Variants in TTPA observed in about 807,000 individuals in gnomAD.
TTPA encodes alpha tocopherol transfer protein.
TTPA carries 23 observed loss-of-function variants against 25.9 expected under a neutral mutation model. The ratio of observed to expected loss-of-function variants is 0.89; its 90% confidence interval spans 0.64 to 1.26. The LOEUF (loss-of-function observed/expected upper bound fraction) is 1.26, where lower values mean the gene tolerates loss of function less well. TTPA is among the 50% of genes most tolerant of loss of function. The pLI is 0.00. For missense variants in TTPA, 337 were observed against 353.1 expected (o/e 0.95, Z 0.37); for synonymous variants, 148 against 137.3 (o/e 1.08, Z -0.54).
At chr8:63,071,345 T>C (rs997734388) in intron 2 of TTPA, among the ~76,000 whole-genome samples, 1 of 152,238 alleles carries the variant, frequency 6.6e-6, no homozygotes, top group Non-Finnish European at 1.5e-5. Context: ...CAGGCAGGTA[T>C]CTTATCTATA....
At chr8:63,079,346 T>C (rs1273823759) in intron 1 of TTPA, among the ~76,000 whole-genome samples, 2 of 152,280 alleles carry the variant, frequency 1.3e-5, no homozygotes, top group African/African-American at 4.8e-5. Flanking sequence ...TAACCTTAAA[T>C]GTAAATGGGC....
At chr8:63,063,566 T>C (rs1805342900) in intron 4 of TTPA, among the ~76,000 whole-genome samples, 1 of 152,216 alleles carries the variant, frequency 6.6e-6, no homozygotes. Flanking sequence ...CAGTGAGAGA[T>C]CTTGCTCCCA....
chr8:63,061,986 T>C (rs1396216325), intron 4 of TTPA, among the ~76,000 whole-genome samples: 1 of 152,106 alleles, frequency 6.6e-6, no homozygotes, highest in African/African-American at 2.4e-5. Context: ...GTGGATTACT[T>C]GAGCTCAGGA....
intron 2 of TTPA, among the ~76,000 whole-genome samples, chr8:63,071,968 T>C (rs1805490092): frequency 6.6e-6 from 1 of 151,912 alleles, no homozygotes; most frequent in Non-Finnish European, 1.5e-5. Flanking sequence ...CTACACCTAA[T>C]AGAAAAAAAG....
chr8:63,065,225 C>G (rs1805370589), intron 3 of TTPA, among the ~76,000 whole-genome samples: 1 of 152,144 alleles, frequency 6.6e-6, no homozygotes, highest in South Asian at 2.1e-4. Flanking sequence ...CTTTTACATT[C>G]AGGTGACCTG....
At chr8:63,067,259 G>A (rs1805407886) in intron 2 of TTPA, among the ~76,000 whole-genome samples, 1 of 152,096 alleles carries the variant, frequency 6.6e-6, no homozygotes, top group Admixed American at 6.5e-5. Flanking sequence ...TGGTTTGGAA[G>A]ATCAAGTTGA....
chr8:63,085,200 T>C (rs1422470973), intron 1 of TTPA, among the ~76,000 whole-genome samples: 1 of 152,204 alleles, frequency 6.6e-6, no homozygotes, highest in Non-Finnish European at 1.5e-5. Flanking sequence ...TCTTTCTGAT[T>C]CCTATCTTTC....
At chr8:63,078,054 G>A (rs1052411557) in intron 1 of TTPA, among the ~76,000 whole-genome samples, 6 of 152,210 alleles carry the variant, frequency 3.9e-5, no homozygotes, top group African/African-American at 1.4e-4. Flanking sequence ...GGTCTGGAAT[G>A]GACCTCCAGC....
Position 63,061,364 on chromosome 8 carries a change from G to A in TTPA, c.725C>T (p.Pro242Leu). The A allele has an allele frequency of 6.2e-7, 1 of 1,613,978 alleles. No homozygotes were observed. Among genetic ancestry groups the A allele is most frequent in the Non-Finnish European group, 8.5e-7 (1 of 1,179,926 alleles). The change falls in exon 5 of 5, where the codon CCT becomes CTT. Residue 242 changes from proline to leucine, a missense_variant. Physicochemically the swap from Pro to Leu is moderately conservative, Grantham distance 98. Coordinates refer to ENST00000260116, the MANE Select transcript of TTPA (RefSeq NM_000370.3). ...GAATTCTTCACCACCATATTCCAGA[G>A]GAAGAATGTCTGGGAAATGCTGAAG... ...SLLQHFPDIL[P>L]LEYGGEEFSM...
chr8:63,080,306 G>A (rs1226162510), intron 1 of TTPA, among the ~76,000 whole-genome samples: 1 of 152,118 alleles, frequency 6.6e-6, no homozygotes, highest in African/African-American at 2.4e-5. Flanking sequence ...CAGAAGATAA[G>A]AAACAACTAA....
intron 3 of TTPA, among the ~76,000 whole-genome samples, chr8:63,065,327 G>A (rs1276655357): frequency 6.6e-6 from 1 of 152,054 alleles, no homozygotes; most frequent in Non-Finnish European, 1.5e-5. Context: ...TGTAAAGTGG[G>A]AAAATACAAT....
At chr8:63,072,600 A>C (rs1232525336) in intron 2 of TTPA, among the ~76,000 whole-genome samples, 1 of 152,126 alleles carries the variant, frequency 6.6e-6, no homozygotes, top group Non-Finnish European at 1.5e-5. Context: ...TGATTTTTTA[A>C]AATATTCTCA....
chr8:63,085,936 G>T lies in TTPA; in HGVS notation c.86C>A (p.Ala29Glu). The T allele has an allele frequency of 3.9e-6, 6 of 1,519,332 alleles. No individual in the cohort carries two copies. The highest frequency in any genetic ancestry group is 1.2e-5 in the South Asian group (1 of 82,342). The allele number at this position is 1,519,332 out of a possible 1,614,324, so 94.1% of individuals were successfully genotyped here. ...DHSPLLQPGL[A>E]ALRRRAREAG... is the part of the protein sequence containing the mutation. ...TTCCCGGGCCCGGCGCCGCAGCGCCGCCAGGCCCGGCTGCAGCAACGGAGA... is the reference window on the plus strand; with the variant it reads ...TTCCCGGGCCCGGCGCCGCAGCGCCTCCAGGCCCGGCTGCAGCAACGGAGA... Residue 29 changes from alanine to glutamate, a missense_variant, in exon 1 of 5, where the codon GCG becomes GAG. By Grantham distance (107) the Ala-to-Glu change is moderately radical. Coordinates refer to ENST00000260116, the MANE Select transcript of TTPA (RefSeq NM_000370.3).
chr8:63,076,373 T>G (rs1805562353), intron 1 of TTPA, among the ~76,000 whole-genome samples: 1 of 152,196 alleles, frequency 6.6e-6, no homozygotes, highest in Non-Finnish European at 1.5e-5. Context: ...ACTATAGGGC[T>G]TCTATATTAT....
intron 1 of TTPA, among the ~76,000 whole-genome samples, chr8:63,082,684 C>A (rs1203994852): frequency 6.6e-6 from 1 of 152,158 alleles, no homozygotes; most frequent in African/African-American, 2.4e-5. Flanking sequence ...GCAAAAGAAA[C>A]TAGCATCAGA....
intron 4 of TTPA, among the ~76,000 whole-genome samples, chr8:63,063,090 T>C (rs1212332057): frequency 6.6e-6 from 1 of 152,188 alleles, no homozygotes; most frequent in Non-Finnish European, 1.5e-5. Flanking sequence ...TGAAAGAACA[T>C]CGTTTCTAAA....
At position 63,085,935 on chromosome 8, in the gene TTPA, C is replaced by T; in HGVS notation, c.87G>A (p.Ala29=). The T allele has an allele frequency of 6.6e-7, 1 of 1,519,518 alleles. No individual in the cohort carries two copies. The allele number at this position is 1,519,518 out of a possible 1,614,324, so 94.1% of individuals were successfully genotyped here. A position where few individuals can be genotyped will look rare whatever the true frequency, so the allele number is the denominator to read the frequency against. ...CTTCCCGGGCCCGGCGCCGCAGCGC[C>T]GCCAGGCCCGGCTGCAGCAACGGAG... is the stretch of plus-strand genomic sequence containing the variant. ...DHSPLLQPGL[A]ALRRRAREAG... Residue 29 remains alanine, a synonymous_variant, in exon 1 of 5, where the codon GCG becomes GCA. Coordinates refer to ENST00000260116, the MANE Select transcript of TTPA (RefSeq NM_000370.3).
Position 63,060,199 on chromosome 8 carries a change from A to G in TTPA, c.*1053T>C, listed in dbSNP as rs1805282609. ...AAAACAGTCCATGTATAAGACAAGTAAGTATGATTCCATCCCTTTCCGTGT... is the reference window on the plus strand; with the variant it reads ...AAAACAGTCCATGTATAAGACAAGTGAGTATGATTCCATCCCTTTCCGTGT... On this transcript the variant is annotated 3_prime_UTR_variant, in exon 5 of 5. Transcript: ENST00000260116. The G allele has an allele frequency of 1.3e-5, 2 of 152,176 alleles. No homozygotes were observed. Among genetic ancestry groups the G allele is most frequent in the Admixed American group, 6.5e-5 (1 of 15,284 alleles). The allele number at this position is 152,176 out of a possible 1,614,324, so 9.4% of individuals were successfully genotyped here.
At chr8:63,066,246 G>T in intron 2 of TTPA, 149 bp from the exon 3 acceptor site, 2 of 840,268 alleles carry the variant, frequency 2.4e-6, no homozygotes, top group Non-Finnish European at 3.7e-6. Flanking sequence ...TCCAACTGGC[G>T]TCCAAGAACA....
Sources: allele counts gnomAD v4.1 joint callset (sites outside exome capture counted in the v4.1 genomes callset), GRCh38; gene constraint gnomAD v4.1.1; transcripts MANE v1.5; gene names NCBI Gene and HGNC (gene_info 2026-07-23, HGNC 2026-07-21).